Variants in RNF20 observed in about 807,000 individuals in gnomAD.
RNF20 encodes the protein E3 ubiquitin-protein ligase BRE1A.
RNF20 carries 84 observed loss-of-function variants against 126.2 expected under a neutral mutation model. The observed-to-expected ratio is 0.67, with a 90% CI of 0.56 to 0.80. The LOEUF (loss-of-function observed/expected upper bound fraction) is 0.80. Ranked by LOEUF, RNF20 falls within the 30% of genes least tolerant of loss-of-function variation. The pLI, the probability that RNF20 is intolerant of heterozygous loss-of-function variation, is 0.00. For synonymous variants in RNF20, 400 were observed against 414.3 expected (o/e 0.97, Z 0.42); for missense variants, 869 against 1,188.2 (o/e 0.73, Z 3.95).
At position 101,554,787 on chromosome 9, in the gene RNF20, C is replaced by T. The variant is rs145530273; in HGVS notation, c.2113C>T (p.Arg705Trp). ...TGATGAGGATGCCTTGAGGAAGATCCGGGCAGTGGAGGAGCAGATAGAATA... is the reference window on the plus strand; with the variant it reads ...TGATGAGGATGCCTTGAGGAAGATCTGGGCAGTGGAGGAGCAGATAGAATA... ...MADEDALRKI[R>W]AVEEQIEYLQ... is the part of the protein sequence containing the mutation. Residue 705 changes from arginine to tryptophan, a missense_variant, in exon 15 of 20, where the codon CGG becomes TGG. Physicochemically the swap from Arg to Trp is moderately radical, Grantham distance 101. Coordinates refer to ENST00000389120, the MANE Select transcript of RNF20 (RefSeq NM_019592.7). 7.6e-6 allele frequency: 12 copies of T among 1,574,342 alleles called. No individual in the cohort carries two copies. Among genetic ancestry groups the T allele is most frequent in the Middle Eastern group, 1.7e-4 (1 of 5,884 alleles).
At chr9:101,554,992 C>T (rs1395203786) in intron 15 of RNF20, 149 bp downstream of exon 15, 1 of 488,408 alleles carries the variant, frequency 2.0e-6, no homozygotes, top group Non-Finnish European at 3.4e-6. Context: ...TAATTCTTAC[C>T]TTCAAGTCTT....
chr9:101,555,136 TGACCTGGAATTAAGGGTTATA>T (rs1471937373), intron 15 of RNF20, among the ~76,000 whole-genome samples: 1 of 152,074 alleles, frequency 6.6e-6, no homozygotes, highest in African/African-American at 2.4e-5. Flanking sequence ...CTTTCTTTGC[TGACCTGGAATTAAGGGTTATA>T]GTGAATATAA....
chr9:101,551,870 A>G, intron 11 of RNF20, 51 bp downstream of exon 11: 2 of 1,553,830 alleles, frequency 1.3e-6, no homozygotes, highest in Non-Finnish European at 1.7e-6. Flanking sequence ...ACCTTCCTTG[A>G]AAGATACAAC....
At chr9:101,554,593 C>G (rs1827501964) in intron 14 of RNF20, 101 bp from the exon 15 acceptor site, 1 of 927,948 alleles carries the variant, frequency 1.1e-6, no homozygotes, top group Admixed American at 2.7e-5. Flanking sequence ...TCTGTAAAGA[C>G]TCTTTTGGTA....
chr9:101,544,893 A>T lies in RNF20; in HGVS notation c.747+8A>T. 1 of 1,542,890 alleles carries T rather than the reference A, an allele frequency of 6.5e-7. No individual in the cohort carries two copies. The highest frequency in any genetic ancestry group is 9.0e-7 in the Non-Finnish European group (1 of 1,115,176). Reference sequence around the variant, plus strand: ...CGCACCATGTCTCAGGAGGTACTTAACCAAAAAGGAGAGATGGCTGTGTCT... The same window carrying T: ...CGCACCATGTCTCAGGAGGTACTTATCCAAAAAGGAGAGATGGCTGTGTCT... On this transcript the variant is annotated splice_region_variant and intron_variant, in intron 6 of 19. Coordinates refer to ENST00000389120, the MANE Select transcript of RNF20 (RefSeq NM_019592.7).
chr9:101,552,221 T>C lies in RNF20; in HGVS notation c.1489T>C (p.Tyr497His), dbSNP rs1827458424. 2 of 1,614,028 alleles carry C rather than the reference T, an allele frequency of 1.2e-6. No homozygotes were observed. The highest frequency in any genetic ancestry group is 1.1e-5 in the South Asian group (1 of 91,090). Reference sequence around the variant, plus strand: ...CCAGCTGAAAGGGGAGGTCCTGAGATATAAGCGGAAATTGAGAGAAGCCCA... The same window carrying C: ...CCAGCTGAAAGGGGAGGTCCTGAGACATAAGCGGAAATTGAGAGAAGCCCA... Reference protein sequence around the residue: ...NHQLKGEVLRYKRKLREAQSD... With the variant: ...NHQLKGEVLRHKRKLREAQSD... The change falls in exon 12 of 20, where the codon TAT (tyrosine) becomes CAT (histidine). Residue 497 changes from tyrosine to histidine, a missense_variant. Coordinates refer to ENST00000389120, the MANE Select transcript of RNF20 (RefSeq NM_019592.7).
intron 2 of RNF20, among the ~76,000 whole-genome samples, chr9:101,539,864 A>G (rs755688125): frequency 1.3e-4 from 20 of 151,964 alleles, no homozygotes; most frequent in Middle Eastern, 3.2e-3. Context: ...TGAAGGAAGG[A>G]TGGTGCTTAC....
At position 101,535,404 on chromosome 9, in the gene RNF20, G is replaced by T. The variant is rs1262772318; in HGVS notation, c.-20G>T. Reference sequence around the variant, plus strand: ...CTGCCTTTTTTTCTATCAGGAAAACGACTGTCTTCTTCTGCCAAAATGTCA... The same window carrying T: ...CTGCCTTTTTTTCTATCAGGAAAACTACTGTCTTCTTCTGCCAAAATGTCA... On this transcript the variant is annotated 5_prime_UTR_variant, in exon 2 of 20. Transcript: ENST00000389120. The T allele has an allele frequency of 1.2e-6, 2 of 1,607,482 alleles. No homozygotes were observed. Among genetic ancestry groups the T allele is most frequent in the South Asian group, 2.2e-5 (2 of 89,776 alleles).
At chr9:101,554,885 G>A (rs760098315) in intron 15 of RNF20, 42 bp downstream of exon 15, 2 of 1,361,830 alleles carry the variant, frequency 1.5e-6, no homozygotes, top group Admixed American at 5.5e-5. Flanking sequence ...TTGAGTAAAT[G>A]TTACTTGACA....
At chr9:101,540,092 A>T (rs929732326) in intron 2 of RNF20, 111 bp from the exon 3 acceptor site, 1 of 1,047,966 alleles carries the variant, frequency 9.5e-7, no homozygotes, top group Non-Finnish European at 1.4e-6. Context: ...TTTAAAAGTC[A>T]ATAGCTTTAT....
rs1827490503 is a variant in RNF20, at chr9:101,554,060, A to G, written c.1974A>G (p.Arg658=). 6.2e-7 allele frequency: 1 copy of G among 1,613,586 alleles called. No individual in the cohort carries two copies. ...ACCGTTCTGCCCCAAAGGAACAGAG[A>G]GACAAAGTTCAGCTGATGGCAGCTG... ...DMYRSAPKEQ[R]DKVQLMAAEK... is the part of the protein sequence containing the mutation. Residue 658 remains arginine, a synonymous_variant, in exon 14 of 20, where the codon AGA becomes AGG. Coordinates refer to ENST00000389120, the MANE Select transcript of RNF20 (RefSeq NM_019592.7).
At chr9:101,554,552 T>C in intron 14 of RNF20, 142 bp from the exon 15 acceptor site, 1 of 574,834 alleles carries the variant, frequency 1.7e-6, no homozygotes, top group Admixed American at 3.5e-5. Flanking sequence ...TTATGTAATG[T>C]TTTAGTATAT....
intron 1 of RNF20, among the ~76,000 whole-genome samples, chr9:101,534,924 T>C (rs78372294): frequency 6.6e-6 from 1 of 151,612 alleles, no homozygotes; most frequent in Non-Finnish European, 1.5e-5. Flanking sequence ...TTTTTTTTTT[T>C]TGAGACGGAG....
chr9:101,553,831 T>A (rs1827487144), intron 13 of RNF20, among the ~76,000 whole-genome samples, 157 bp from the exon 14 acceptor site: 1 of 152,260 alleles, frequency 6.6e-6, no homozygotes, highest in Admixed American at 6.5e-5. Flanking sequence ...TATCCAAAAG[T>A]CTTTTGATAG....
chr9:101,535,226 C>T (rs1042258505), intron 1 of RNF20, among the ~76,000 whole-genome samples, 172 bp from the exon 2 acceptor site: 2 of 151,306 alleles, frequency 1.3e-5, no homozygotes, highest in Non-Finnish European at 2.9e-5. Flanking sequence ...TTTTACTCTA[C>T]AATTTAATTT....
chr9:101,543,734 T>G (rs1473357323), intron 5 of RNF20, among the ~76,000 whole-genome samples: 1 of 152,276 alleles, frequency 6.6e-6, no homozygotes, highest in Non-Finnish European at 1.5e-5. Context: ...ATTCTAGCCC[T>G]GTCCTCAGTG....
chr9:101,561,780 C>T, intron 18 of RNF20, 130 bp from the exon 19 acceptor site: 3 of 744,360 alleles, frequency 4.0e-6, no homozygotes, highest in Non-Finnish European at 7.3e-6. Flanking sequence ...CTCTACATTT[C>T]TACAAGATAA....
At chr9:101,556,453 CTG>C (rs963020480) in intron 15 of RNF20, among the ~76,000 whole-genome samples, 1 of 151,952 alleles carries the variant, frequency 6.6e-6, no homozygotes, top group Non-Finnish European at 1.5e-5. Flanking sequence ...AAAAGAAAAA[CTG>C]TGACATGTGA....
intron 6 of RNF20, among the ~76,000 whole-genome samples, chr9:101,545,997 G>A (rs1401326012): frequency 1.3e-5 from 2 of 152,020 alleles, no homozygotes; most frequent in South Asian, 2.1e-4. Flanking sequence ...TTTACATGTT[G>A]GCTGACTTCT....
Sources: gnomAD v4.1 joint callset for allele counts (sites outside exome capture counted in the v4.1 genomes callset) on GRCh38, gnomAD v4.1.1 for gene constraint, MANE v1.5 for transcripts, NCBI Gene and HGNC (gene_info 2026-07-23, HGNC 2026-07-21) for gene names.